The following SYT10 variants were observed in gnomAD, a reference collection of about 807,000 sequenced individuals.
The protein encoded by SYT10 is synaptotagmin-10.
A neutral mutation model predicts 51.1 loss-of-function variants in SYT10; 31 were observed. That is an observed-to-expected ratio of 0.61 (90% CI 0.46 to 0.82). SYT10 has a LOEUF of 0.82. Ranked by LOEUF, SYT10 falls within the 40% of genes least tolerant of loss-of-function variation. The pLI, the probability that SYT10 is intolerant of heterozygous loss-of-function variation, is 0.00. For missense variants in SYT10, 603 were observed against 634.0 expected (o/e 0.95, Z 0.53); for synonymous variants, 233 against 225.9 (o/e 1.03, Z -0.28).
intron 2 of SYT10, among the ~76,000 whole-genome samples, chr12:33,425,244 T>A (rs965661951): frequency 3.3e-5 from 5 of 152,086 alleles, no homozygotes; most frequent in Admixed American, 2.6e-4. Flanking sequence ...GAAATAGCAG[T>A]TACCTCTCAA....
At chr12:33,423,736 C>T (rs1866525374) in intron 2 of SYT10, among the ~76,000 whole-genome samples, 1 of 152,122 alleles carries the variant, frequency 6.6e-6, no homozygotes, top group Admixed American at 6.5e-5. Context: ...TTGTAACCAA[C>T]ATATTTAATT....
chr12:33,425,159 C>T (rs746346418), intron 2 of SYT10, among the ~76,000 whole-genome samples: 5 of 151,910 alleles, frequency 3.3e-5, no homozygotes, highest in Non-Finnish European at 7.4e-5. Context: ...AAAGTATTAC[C>T]ATGTTGGAAA....
intron 1 of SYT10, among the ~76,000 whole-genome samples, chr12:33,433,444 A>G (rs1291928384): frequency 6.6e-6 from 1 of 152,240 alleles, no homozygotes; most frequent in Non-Finnish European, 1.5e-5. Context: ...AACAAAAACA[A>G]TGTAACTGGT....
At chr12:33,412,657 G>C (rs561605236) in intron 2 of SYT10, among the ~76,000 whole-genome samples, 2 of 152,210 alleles carry the variant, frequency 1.3e-5, no homozygotes, top group Non-Finnish European at 2.9e-5. Flanking sequence ...CAAACAGAAA[G>C]GACATCCACA....
intron 6 of SYT10, 64 bp downstream of exon 6, chr12:33,379,768 A>G: frequency 6.3e-7 from 1 of 1,585,746 alleles, no homozygotes; most frequent in Non-Finnish European, 8.6e-7. Flanking sequence ...AAGGTTAGCA[A>G]ATAAATAATA....
chr12:33,430,019 A>C (rs370541637), intron 1 of SYT10, among the ~76,000 whole-genome samples: 78 of 152,322 alleles, frequency 5.1e-4, no homozygotes, highest in African/African-American at 1.8e-3. Context: ...GTCTCCGGAT[A>C]ATTAAAAAGA....
At chr12:33,406,078 A>G (rs777837289) in intron 3 of SYT10, among the ~76,000 whole-genome samples, 3 of 152,066 alleles carry the variant, frequency 2.0e-5, no homozygotes, top group Non-Finnish European at 4.4e-5. Flanking sequence ...TTGGAAAGCA[A>G]TATGCCAAAA....
intron 1 of SYT10, among the ~76,000 whole-genome samples, chr12:33,437,281 T>C (rs1345050293): frequency 6.6e-6 from 1 of 152,224 alleles, no homozygotes; most frequent in Non-Finnish European, 1.5e-5. Context: ...TTGTATATAT[T>C]ATGTAGTCTA....
intron 3 of SYT10, among the ~76,000 whole-genome samples, chr12:33,403,951 C>A (rs1250486580): frequency 6.6e-6 from 1 of 152,274 alleles, no homozygotes; most frequent in South Asian, 2.1e-4. Flanking sequence ...AACCCAGAAG[C>A]AATATTCTGA....
chr12:33,407,364 C>T lies in SYT10; in HGVS notation c.510-8G>A. 6.2e-7 allele frequency: 1 copy of T among 1,600,534 alleles called. No individual in the cohort carries two copies. Among genetic ancestry groups the T allele is most frequent in the South Asian group, 1.1e-5 (1 of 90,906 alleles). On this transcript the variant is annotated splice_region_variant and splice_polypyrimidine_tract_variant and intron_variant, in intron 2 of 6. Transcript: ENST00000228567. ...CTTCGGAAGGAACTGTGGCTGAACACACACACATATACACAAAATCATTGA... is the reference window on the plus strand; with the variant it reads ...CTTCGGAAGGAACTGTGGCTGAACATACACACATATACACAAAATCATTGA...
intron 2 of SYT10, among the ~76,000 whole-genome samples, chr12:33,409,071 C>A (rs10506109): frequency 2.6e-5 from 4 of 151,616 alleles, no homozygotes; most frequent in East Asian, 3.9e-4. Context: ...TACTTAATAC[C>A]CAGTCAGTGC....
intron 2 of SYT10, among the ~76,000 whole-genome samples, chr12:33,416,684 A>G (rs1866456748): frequency 6.6e-6 from 1 of 152,152 alleles, no homozygotes; most frequent in Non-Finnish European, 1.5e-5. Context: ...TGTCATCATC[A>G]ACAGCAAGCT....
At chr12:33,403,108 C>A (rs1372555512) in intron 3 of SYT10, among the ~76,000 whole-genome samples, 1 of 151,808 alleles carries the variant, frequency 6.6e-6, no homozygotes, top group Non-Finnish European at 1.5e-5. Flanking sequence ...CAAAGGTACT[C>A]TTTAAAAATC....
chr12:33,428,014 A>G (rs1866566730), intron 1 of SYT10, among the ~76,000 whole-genome samples: 2 of 152,216 alleles, frequency 1.3e-5, no homozygotes, highest in Non-Finnish European at 2.9e-5. Flanking sequence ...TGAAGGCAAG[A>G]CTGGAAGAGG....
Position 33,374,635 on chromosome 12 carries a change from T to C in SYT10, c.*2195A>G, listed in dbSNP as rs1452993761. 6.6e-6 allele frequency: 1 copy of C among 151,960 alleles called. No homozygotes were observed. The highest frequency in any genetic ancestry group is 1.5e-5 in the Non-Finnish European group (1 of 67,896). The allele number at this position is 151,960 out of a possible 1,614,324, so 9.4% of individuals were successfully genotyped here. A position where few individuals can be genotyped will look rare whatever the true frequency, so the allele number is the denominator to read the frequency against. ...GTTGTGGTGAATTTCCTCTCGCTGA[T>C]CTCTTTCTCAGGATTAACACATATC... On this transcript the variant is annotated 3_prime_UTR_variant, in exon 7 of 7. Transcript: ENST00000228567.
rs145690934 is a variant in SYT10 at position 33,398,015 on chromosome 12, A to G, written c.1077+8774T>C. On this transcript the variant is annotated intron_variant, in intron 3 of 6. Transcript: ENST00000228567. ...CTGCCAGTTCATAAAGAATAGGTAGAGTCAGAAATCGGAAGGGATGGGAAG... is the reference window on the plus strand; with the variant it reads ...CTGCCAGTTCATAAAGAATAGGTAGGGTCAGAAATCGGAAGGGATGGGAAG... Among the ~76,000 whole-genome samples, 454 of 152,212 alleles carry G rather than the reference A, an allele frequency of 3.0e-3. 2 individuals are homozygous for G. The highest frequency in any genetic ancestry group is 0.011 in the African/African-American group (437 of 41,530).
chr12:33,381,041 C>T (rs1025956458), intron 5 of SYT10, among the ~76,000 whole-genome samples: 5 of 152,006 alleles, frequency 3.3e-5, no homozygotes, highest in African/African-American at 1.2e-4. Flanking sequence ...ATCCATTTCC[C>T]TAAAATTGCC....
chr12:33,385,043 A>T (rs1338559045), intron 4 of SYT10, 128 bp downstream of exon 4: 1 of 1,178,232 alleles, frequency 8.5e-7, no homozygotes, highest in East Asian at 2.5e-5. Context: ...TTAAATTTGT[A>T]ATCTTTTTTT....
intron 3 of SYT10, among the ~76,000 whole-genome samples, chr12:33,385,925 C>T (rs1866152956): frequency 6.6e-6 from 1 of 152,212 alleles, no homozygotes; most frequent in South Asian, 2.1e-4. Context: ...ATCCAAACTC[C>T]TTACCCTGGC....
Sources: allele counts gnomAD v4.1 joint callset (sites outside exome capture counted in the v4.1 genomes callset), GRCh38; gene constraint gnomAD v4.1.1; transcripts MANE v1.5; gene names NCBI Gene and HGNC (gene_info 2026-07-23, HGNC 2026-07-21).